The following MAPK8IP3 variants were observed in gnomAD, a reference collection of about 807,000 sequenced individuals.
MAPK8IP3 encodes the protein C-Jun-amino-terminal kinase-interacting protein 3.
In MAPK8IP3, 49 loss-of-function variants were observed where a neutral mutation model predicts 157.8. The ratio of observed to expected loss-of-function variants is 0.31; its 90% CI spans 0.25 to 0.39. MAPK8IP3 has a LOEUF of 0.39. MAPK8IP3 is among the 10% of genes least tolerant of loss of function. MAPK8IP3 has a pLI of 1.00. For missense variants in MAPK8IP3, 1,478 were observed against 1,889.4 expected (o/e 0.78, Z 4.04); for synonymous variants, 897 against 777.7 (o/e 1.15, Z -2.55).
chr16:1,738,132 CCG>C (rs1400757206), intron 4 of MAPK8IP3, among the ~76,000 whole-genome samples: 1 of 53,954 alleles, frequency 1.9e-5, no homozygotes, highest in Non-Finnish European at 3.2e-5. Flanking sequence ...GCGTGACTGT[CCG>C]TGTGTGTGAC....
chr16:1,740,014 G>A (rs1358969688), intron 4 of MAPK8IP3, among the ~76,000 whole-genome samples: 1 of 117,976 alleles, frequency 8.5e-6, no homozygotes, highest in African/African-American at 3.3e-5. Flanking sequence ...ATCCGTGTGA[G>A]CGTGTGAGCA....
intron 8 of MAPK8IP3, among the ~76,000 whole-genome samples, chr16:1,755,242 G>A (rs748561677): frequency 5.3e-5 from 8 of 152,294 alleles, no homozygotes; most frequent in Admixed American, 2.0e-4. Flanking sequence ...CGTGGAAAAC[G>A]GGCAGATGAG....
At position 1,719,668 on chromosome 16, in the gene MAPK8IP3, C is replaced by CAA. The variant is rs58680997; in HGVS notation, c.319-4871_319-4870dup. 2.7e-3 allele frequency among the ~76,000 whole-genome samples: 138 copies of CAA among 51,064 alleles called. 2 individuals carry two copies. Among genetic ancestry groups the CAA allele is most frequent in the African/African-American group, 5.2e-3 (89 of 16,988 alleles). 33.5% of individuals were successfully genotyped at this position (51,064 alleles called of 152,430 possible). On this transcript the variant is annotated intron_variant, in intron 1 of 31. Transcript: ENST00000610761. Reference sequence around the variant, plus strand: ...GTAACATAGGGAGACCCCATCTCTACAAAAAAAAAAAAAAAAAAACCACAA... The same window carrying CAA: ...GTAACATAGGGAGACCCCATCTCTACAAAAAAAAAAAAAAAAAAAAACCACAA...
At chr16:1,737,817 C>T (rs1171933172) in intron 4 of MAPK8IP3, among the ~76,000 whole-genome samples, 3 of 88,440 alleles carry the variant, frequency 3.4e-5, no homozygotes, top group Non-Finnish European at 6.3e-5. Context: ...TCCGTGTGAG[C>T]GTCCGTGTGA....
chr16:1,748,541 C>T (rs538992039), intron 7 of MAPK8IP3, 61 bp from the exon 8 acceptor site: 19 of 1,389,556 alleles, frequency 1.4e-5, no homozygotes, highest in East Asian at 6.9e-5. Flanking sequence ...AGTCTGCAGA[C>T]GCAGCCACTC....
intron 5 of MAPK8IP3, chr16:1,746,598 G>C (rs1029030329): frequency 6.6e-5 from 13 of 198,420 alleles, no homozygotes; most frequent in Non-Finnish European, 8.3e-5. Flanking sequence ...TGATGGTGAC[G>C]GGGCAGCGGT....
At position 1,768,725 on chromosome 16, in the gene MAPK8IP3, G is replaced by T; in HGVS notation, c.3915G>T (p.Thr1305=). 10 of 1,612,720 alleles carry T rather than the reference G, an allele frequency of 6.2e-6. No homozygotes were observed. The highest frequency in any genetic ancestry group is 8.5e-6 in the Non-Finnish European group (10 of 1,179,842). ...FRIGDGEDDE[T]EEGAGDMSQV... is the part of the protein sequence containing the mutation. ...CAGGAGACGGAGAGGACGACGAGAC[G>T]GAGGAGGGCGCAGGGGACATGAGCC... Residue 1305 remains threonine (T), a synonymous_variant, in exon 32 of 32, where the codon ACG becomes ACT. Coordinates refer to ENST00000610761, the MANE Select transcript of MAPK8IP3 (RefSeq NM_001318852.2).
chr16:1,728,046 T>C (rs2039011956), intron 2 of MAPK8IP3, among the ~76,000 whole-genome samples: 1 of 152,222 alleles, frequency 6.6e-6, no homozygotes, highest in Non-Finnish European at 1.5e-5. Context: ...CCCTCCCCAT[T>C]GGTGGGCTGC....
At chr16:1,739,022 CTG>C (rs1199256661) in intron 4 of MAPK8IP3, among the ~76,000 whole-genome samples, 1 of 125,802 alleles carries the variant, frequency 7.9e-6, no homozygotes, top group Non-Finnish European at 1.6e-5. Context: ...ATGTGAGCAT[CTG>C]TGTGAGCGTC....
intron 8 of MAPK8IP3, among the ~76,000 whole-genome samples, chr16:1,757,910 C>T (rs2041706991): frequency 6.6e-6 from 1 of 152,256 alleles, no homozygotes; most frequent in Admixed American, 6.5e-5. Context: ...CAGGGCTCGG[C>T]AACACAGCCC....
At chr16:1,736,954 G>A (rs1338675307) in intron 4 of MAPK8IP3, among the ~76,000 whole-genome samples, 6 of 80,562 alleles carry the variant, frequency 7.4e-5, no homozygotes, top group Admixed American at 1.5e-4. Context: ...CCATGTGAGC[G>A]TGTGACCGTC....
chr16:1,767,135 G>A lies in MAPK8IP3; in HGVS notation c.3089-14G>A. 1.9e-6 allele frequency: 3 copies of A among 1,612,536 alleles called. No individual in the cohort carries two copies. The highest frequency in any genetic ancestry group is 2.5e-6 in the Non-Finnish European group (3 of 1,179,740). On this transcript the variant is annotated splice_polypyrimidine_tract_variant and intron_variant, in intron 25 of 31. Transcript: ENST00000610761. ...CCTGGCCAGGCCTGAGCAGGTGTCC[G>A]GGGCTCCCTCCAGATGGCCAGTGGG...
rs749129436 is a variant in MAPK8IP3, at chr16:1,724,686, C to G, written c.439+9C>G. 5.0e-6 allele frequency: 8 copies of G among 1,608,154 alleles called. No individual in the cohort carries two copies. The highest frequency in any genetic ancestry group is 6.8e-6 in the Non-Finnish European group (8 of 1,176,218). On this transcript the variant is annotated intron_variant, in intron 2 of 31. Coordinates refer to ENST00000610761, the MANE Select transcript of MAPK8IP3 (RefSeq NM_001318852.2). This position sits in a 1 kb window ranked among gnomAD's most constrained non-coding sequence, Gnocchi z 4.1. Reference sequence around the variant, plus strand: ...GAACTATGCCGATCAGAGTAAGTGGCTGGCGGGAGCCTGGAGGCGCGCTTG... The same window carrying G: ...GAACTATGCCGATCAGAGTAAGTGGGTGGCGGGAGCCTGGAGGCGCGCTTG...
rs766508723 is a variant in MAPK8IP3, at chr16:1,766,988, C to G, written c.3088+17C>G. On this transcript the variant is annotated intron_variant, in intron 25 of 31. Transcript: ENST00000610761. ...GTGGTGAAGGTGGGGCCTGGCAGCA[C>G]GGGGTGTGTGGGTGGCAGCTGATGG... The G allele has an allele frequency of 4.4e-6, 7 of 1,577,146 alleles. No individual in the cohort carries two copies. In the African/African-American group the frequency reaches 9.4e-5, roughly 21 times the overall value.
intron 10 of MAPK8IP3, 149 bp downstream of exon 10, chr16:1,759,144 TC>T: frequency 9.4e-7 from 1 of 1,069,502 alleles, no homozygotes; most frequent in Non-Finnish European, 1.4e-6. Flanking sequence ...GCTCGCTCTG[TC>T]CAGGCTGCCT....
chr16:1,713,323 A>G (rs1264191541), intron 1 of MAPK8IP3, among the ~76,000 whole-genome samples: 3 of 152,140 alleles, frequency 2.0e-5, no homozygotes, highest in African/African-American at 7.2e-5. Flanking sequence ...GACCGAAGCA[A>G]TCCTCCCATC....
chr16:1,765,080 C>T lies in MAPK8IP3; in HGVS notation c.2348C>T (p.Thr783Ile). ...RVWILTSTLT[T>I]SKVVIIDANQ... ...TGGATCCTGACCAGCACCCTGACCA[C>T]CAGCAAGGTGGTGATCATCGACGCC... The change falls in exon 20 of 32, where the codon ACC (threonine) becomes ATC (isoleucine). Residue 783 changes from threonine (T) to isoleucine (I), a missense_variant. By Grantham distance (89) the Thr-to-Ile change is moderately conservative. This residue lies in a region of MAPK8IP3 where 669 missense variants were observed against 759.8 expected (regional missense o/e 0.88). Coordinates refer to ENST00000610761, the MANE Select transcript of MAPK8IP3 (RefSeq NM_001318852.2). The T allele has an allele frequency of 1.2e-6, 2 of 1,612,586 alleles. No homozygotes were observed. Among genetic ancestry groups the T allele is most frequent in the Non-Finnish European group, 1.7e-6 (2 of 1,179,800 alleles).
intron 1 of MAPK8IP3, among the ~76,000 whole-genome samples, chr16:1,715,035 A>T (rs2038053670): frequency 6.6e-6 from 1 of 152,084 alleles, no homozygotes. Flanking sequence ...TATATTTCCC[A>T]ATACAAATGT....
At chr16:1,740,645 C>T (rs2040619863) in intron 4 of MAPK8IP3, among the ~76,000 whole-genome samples, 1 of 152,240 alleles carries the variant, frequency 6.6e-6, no homozygotes. Context: ...CTTGTCTTGC[C>T]CTCTGTGCTG....
Sources: allele counts gnomAD v4.1 joint callset (sites outside exome capture counted in the v4.1 genomes callset), GRCh38; gene constraint gnomAD v4.1.1; regional missense constraint gnomAD v4.1.1; non-coding constraint Gnocchi (gnomAD v3.1); transcripts MANE v1.5; gene names NCBI Gene and HGNC (gene_info 2026-07-23, HGNC 2026-07-21).